Variants in KCNJ3 observed in about 807,000 individuals in gnomAD.
The protein encoded by KCNJ3 is potassium inwardly rectifying channel subfamily J member 3.
Under a neutral mutation model 39.2 loss-of-function variants are expected in KCNJ3, and 4 were observed. That is an observed-to-expected ratio of 0.10 (90% CI 0.05 to 0.23). KCNJ3 has a LOEUF of 0.23. Among genes scored for constraint, KCNJ3 ranks in the 10% least tolerant of loss-of-function variants. The probability of loss-of-function intolerance (pLI) is 1.00; values close to 1 mark genes in which losing one functional copy is unlikely to be tolerated. For missense variants in KCNJ3, 276 were observed against 634.9 expected, an observed-to-expected ratio of 0.43 and a Z score of 6.08; for synonymous variants, 230 against 237.4, an observed-to-expected ratio of 0.97 and a Z score of 0.29.
rs1558857535 is a variant in KCNJ3 at position 154,726,824 on chromosome 2, CACACACACACA to C, written c.919+17006_919+17016del. Among the ~76,000 whole-genome samples, 8 of 150,672 alleles carry C rather than the reference CACACACACACA, an allele frequency of 5.3e-5. No individual in the cohort carries two copies. The East Asian group carries it at 9.8e-4, about 18-fold the overall frequency. Reference sequence around the variant, plus strand: ...ACACACACACACACACACACACACACACACACACACATACACCATGGAATACTACTCAGCCA... The same window carrying C: ...ACACACACACACACACACACACACACTACACCATGGAATACTACTCAGCCA... On this transcript the variant is annotated intron_variant, in intron 2 of 2. Coordinates refer to ENST00000295101, the MANE Select transcript of KCNJ3 (RefSeq NM_002239.4).
At chr2:154,790,941 C>A (rs1686617982) in intron 2 of KCNJ3, among the ~76,000 whole-genome samples, 2 of 152,092 alleles carry the variant, frequency 1.3e-5, no homozygotes, top group African/African-American at 4.8e-5. Flanking sequence ...AAGAGATTAC[C>A]AATATTTGTG....
intron 2 of KCNJ3, among the ~76,000 whole-genome samples, chr2:154,713,715 T>C (rs1340095731): frequency 6.6e-6 from 1 of 152,106 alleles, no homozygotes; most frequent in East Asian, 1.9e-4. Context: ...AAAACAGAGG[T>C]TACCTCTCAC....
intron 2 of KCNJ3, among the ~76,000 whole-genome samples, chr2:154,786,766 A>G (rs1686537062): frequency 6.6e-6 from 1 of 152,240 alleles, no homozygotes; most frequent in Non-Finnish European, 1.5e-5. Context: ...AAAAAAATCA[A>G]GAAAAAATAC....
At chr2:154,752,701 T>C (rs1157167726) in intron 2 of KCNJ3, among the ~76,000 whole-genome samples, 1 of 152,040 alleles carries the variant, frequency 6.6e-6, no homozygotes, top group African/African-American at 2.4e-5. Flanking sequence ...GTGTTCATAC[T>C]TCTCTATCCT....
intron 2 of KCNJ3, among the ~76,000 whole-genome samples, chr2:154,849,207 T>C (rs759299072): frequency 1.4e-4 from 22 of 152,034 alleles, no homozygotes; most frequent in Non-Finnish European, 1.9e-4. Context: ...CCTCGAAGAG[T>C]TGTGAGGATT....
At chr2:154,813,493 A>AT (rs925096038) in intron 2 of KCNJ3, among the ~76,000 whole-genome samples, 25 of 151,120 alleles carry the variant, frequency 1.7e-4, no homozygotes, top group East Asian at 5.9e-4. Context: ...CCAAAGTTTA[A>AT]TTTTTTTTTC....
intron 1 of KCNJ3, among the ~76,000 whole-genome samples, chr2:154,704,082 A>G (rs1684956482): frequency 2.6e-5 from 4 of 152,050 alleles, no homozygotes; most frequent in Admixed American, 2.6e-4. Context: ...TAATTCTCTA[A>G]TAAGTATAGA....
At chr2:154,815,904 G>A (rs751500583) in intron 2 of KCNJ3, among the ~76,000 whole-genome samples, 3 of 151,998 alleles carry the variant, frequency 2.0e-5, no homozygotes, top group African/African-American at 7.2e-5. Context: ...CTTTATTTAC[G>A]TACCTACTCA....
intron 2 of KCNJ3, among the ~76,000 whole-genome samples, chr2:154,735,360 C>T (rs953882168): frequency 6.6e-6 from 1 of 151,762 alleles, no homozygotes; most frequent in Non-Finnish European, 1.5e-5. Context: ...GTGATCCGTC[C>T]GCCTCGGCAT....
At position 154,841,472 on chromosome 2, in the gene KCNJ3, T is replaced by G. The variant is rs192566090; in HGVS notation, c.920-13255T>G. ...AAAATGAGTTAGAGAGGATTCCCTC[T>G]TTTTCTGTTGATTGGAATAGTTTCA... On this transcript the variant is annotated intron_variant, in intron 2 of 2. Transcript: ENST00000295101. 2.0e-3 allele frequency among the ~76,000 whole-genome samples: 309 copies of G among 152,326 alleles called. 3 individuals are homozygous for G. The highest frequency in any genetic ancestry group is 7.2e-3 in the African/African-American group (299 of 41,574).
intron 2 of KCNJ3, among the ~76,000 whole-genome samples, chr2:154,712,221 G>A (rs79200039): frequency 0.015 from 2,210 of 152,130 alleles, 165 homozygotes; most frequent in Admixed American, 0.12. Context: ...AAATAACAAA[G>A]ACATTCTTAT....
At chr2:154,833,440 A>G (rs1413669971) in intron 2 of KCNJ3, among the ~76,000 whole-genome samples, 1 of 152,198 alleles carries the variant, frequency 6.6e-6, no homozygotes, top group African/African-American at 2.4e-5. Context: ...GGGAGTTTCC[A>G]TGCATGTTCC....
At chr2:154,746,759 T>A (rs1409743943) in intron 2 of KCNJ3, among the ~76,000 whole-genome samples, 1 of 151,662 alleles carries the variant, frequency 6.6e-6, no homozygotes, top group East Asian at 1.9e-4. Flanking sequence ...AAAGTCTTTT[T>A]AAAACTACAT....
chr2:154,817,257 C>T (rs185173881), intron 2 of KCNJ3, among the ~76,000 whole-genome samples: 1 of 152,266 alleles, frequency 6.6e-6, no homozygotes, highest in East Asian at 1.9e-4. Flanking sequence ...TATTTCATCA[C>T]AGTGTTGGAT....
chr2:154,787,485 G>A (rs943359067), intron 2 of KCNJ3, among the ~76,000 whole-genome samples: 4 of 152,094 alleles, frequency 2.6e-5, no homozygotes, highest in African/African-American at 2.4e-5. Context: ...CAATCATCAA[G>A]TGCCTCTTTG....
chr2:154,819,580 G>C (rs954542015), intron 2 of KCNJ3, among the ~76,000 whole-genome samples: 3 of 151,914 alleles, frequency 2.0e-5, no homozygotes, highest in African/African-American at 7.2e-5. Context: ...CACCAGGCTG[G>C]AGTGCAGTGG....
intron 2 of KCNJ3, among the ~76,000 whole-genome samples, chr2:154,840,271 G>A (rs988010556): frequency 7.2e-5 from 11 of 152,076 alleles, no homozygotes; most frequent in African/African-American, 2.2e-4. Context: ...GTTATTTCTG[G>A]GGGCTCTGTT....
At chr2:154,838,131 CAAATT>C (rs1687501582) in intron 2 of KCNJ3, among the ~76,000 whole-genome samples, 1 of 151,918 alleles carries the variant, frequency 6.6e-6, no homozygotes, top group Non-Finnish European at 1.5e-5. Context: ...ATTCAAAAGA[CAAATT>C]AAGATGGAGA....
At chr2:154,825,742 A>C (rs1339392207) in intron 2 of KCNJ3, among the ~76,000 whole-genome samples, 1 of 151,104 alleles carries the variant, frequency 6.6e-6, no homozygotes, top group African/African-American at 2.4e-5. Context: ...ACACCCAGCT[A>C]ATTTTTTTTA....
Sources: gnomAD v4.1 joint callset for allele counts (sites outside exome capture counted in the v4.1 genomes callset) on GRCh38, gnomAD v4.1.1 for gene constraint, MANE v1.5 for transcripts, NCBI Gene and HGNC (gene_info 2026-07-23, HGNC 2026-07-21) for gene names.